Variants in NAALADL2 observed in about 807,000 individuals in gnomAD.
NAALADL2 encodes the protein inactive N-acetylated-alpha-linked acidic dipeptidase-like protein 2.
A neutral mutation model predicts 87.2 loss-of-function variants in NAALADL2; 76 were observed. The observed-to-expected ratio is 0.87, with a 90% CI of 0.72 to 1.05. NAALADL2 has a LOEUF of 1.05. Ranked by LOEUF, NAALADL2 falls within the 50% of genes least tolerant of loss-of-function variation. The probability of loss-of-function intolerance (pLI) is 0.00; values close to 1 mark genes in which losing one functional copy is unlikely to be tolerated. For synonymous variants in NAALADL2, 354 were observed against 331.0 expected, an observed-to-expected ratio of 1.07 and a Z score of -0.75; for missense variants, 1,089 against 945.8, an observed-to-expected ratio of 1.15 and a Z score of -1.99.
intron 2 of NAALADL2, among the ~76,000 whole-genome samples, chr3:175,135,289 A>G (rs1728932592): frequency 6.6e-6 from 1 of 152,208 alleles, no homozygotes; most frequent in Non-Finnish European, 1.5e-5. Context: ...ATCATTTAAT[A>G]TACGTGCCAA....
chr3:174,666,782 G>C (rs890570309), intron 2 of NAALADL2, among the ~76,000 whole-genome samples: 1 of 152,002 alleles, frequency 6.6e-6, no homozygotes, highest in Non-Finnish European at 1.5e-5. Context: ...CAAAACTCTA[G>C]AATTTTTTAT....
intron 11 of NAALADL2, among the ~76,000 whole-genome samples, chr3:175,665,826 G>T (rs140723456): frequency 6.6e-6 from 1 of 152,024 alleles, no homozygotes; most frequent in Non-Finnish European, 1.5e-5. Flanking sequence ...AGCTACTAGG[G>T]AGGCTGAGGC....
chr3:175,264,349 T>C (rs1468411604), intron 4 of NAALADL2, among the ~76,000 whole-genome samples: 1 of 151,864 alleles, frequency 6.6e-6, no homozygotes, highest in Admixed American at 6.6e-5. Flanking sequence ...TTAATAAATA[T>C]TAACTTTTAT....
intron 11 of NAALADL2, among the ~76,000 whole-genome samples, chr3:175,693,991 C>T (rs1737403028): frequency 6.6e-6 from 1 of 152,030 alleles, no homozygotes; most frequent in African/African-American, 2.4e-5. Flanking sequence ...CCGTGCCTGG[C>T]CAGTCTGATT....
intron 9 of NAALADL2, among the ~76,000 whole-genome samples, chr3:175,515,105 A>G (rs1225149315): frequency 6.6e-6 from 1 of 152,218 alleles, no homozygotes; most frequent in Non-Finnish European, 1.5e-5. Flanking sequence ...CAAAGGATTC[A>G]ATCTGTGTCA....
chr3:175,289,522 A>T (rs2110132427), intron 4 of NAALADL2, among the ~76,000 whole-genome samples: 1 of 152,266 alleles, frequency 6.6e-6, no homozygotes, highest in South Asian at 2.1e-4. Context: ...AAAATTAAAA[A>T]TATTCTAGCA....
chr3:174,609,729 G>A (rs1423857210), intron 2 of NAALADL2, among the ~76,000 whole-genome samples: 2 of 152,230 alleles, frequency 1.3e-5, no homozygotes, highest in Non-Finnish European at 2.9e-5. Context: ...CGTGAAAATG[G>A]CCATACTGCC....
chr3:175,714,354 A>G (rs1480573930), intron 11 of NAALADL2, among the ~76,000 whole-genome samples: 1 of 152,158 alleles, frequency 6.6e-6, no homozygotes, highest in East Asian at 1.9e-4. Flanking sequence ...CCAACAGTGT[A>G]AAAGCATCCC....
At chr3:174,926,206 T>C (rs575781037) in intron 1 of NAALADL2, among the ~76,000 whole-genome samples, 26 of 152,252 alleles carry the variant, frequency 1.7e-4, no homozygotes, top group African/African-American at 6.0e-4. Context: ...TATGGGACTA[T>C]GTGAAAAGAC....
intron 10 of NAALADL2, chr3:175,581,168 G>A (rs1436547668): frequency 1.3e-5 from 5 of 384,384 alleles, no homozygotes; most frequent in South Asian, 5.8e-5. Context: ...TAGGCCGGAC[G>A]CGGTGGCTCA....
At chr3:175,300,388 G>T (rs1756901923) in intron 4 of NAALADL2, among the ~76,000 whole-genome samples, 1 of 152,100 alleles carries the variant, frequency 6.6e-6, no homozygotes, top group Non-Finnish European at 1.5e-5. Flanking sequence ...TTGTACCTCT[G>T]GTAGAATTCA....
intron 1 of NAALADL2, among the ~76,000 whole-genome samples, chr3:174,499,201 T>C (rs1718735803): frequency 6.6e-6 from 1 of 152,110 alleles, no homozygotes; most frequent in Non-Finnish European, 1.5e-5. Context: ...AGGGGAACTA[T>C]TGCATCTTCT....
At chr3:174,843,952 A>G (rs923009714) in intron 3 of NAALADL2, among the ~76,000 whole-genome samples, 2 of 152,144 alleles carry the variant, frequency 1.3e-5, no homozygotes, top group African/African-American at 4.8e-5. Flanking sequence ...AAGTTTGCTA[A>G]TATTTTCTCA....
intron 5 of NAALADL2, among the ~76,000 whole-genome samples, chr3:175,407,374 AT>A (rs1278586880): frequency 6.6e-6 from 1 of 152,180 alleles, no homozygotes; most frequent in African/African-American, 2.4e-5. Context: ...GGCTGAGTTC[AT>A]TTTAAAGAAG....
intron 1 of NAALADL2, among the ~76,000 whole-genome samples, chr3:174,461,609 G>A (rs970764746): frequency 4.6e-5 from 7 of 152,028 alleles, no homozygotes; most frequent in South Asian, 4.1e-4. Context: ...GTCAACATTC[G>A]TTTTTACAAA....
intron 2 of NAALADL2, among the ~76,000 whole-genome samples, chr3:174,552,629 T>C (rs1428272033): frequency 6.6e-6 from 1 of 151,600 alleles, no homozygotes; most frequent in Non-Finnish European, 1.5e-5. Context: ...ATCCTGTCTC[T>C]GCAAAAAAAT....
rs1183991972 is a variant in NAALADL2, at chr3:174,882,753, G to A, written c.43+23303G>A. On this transcript the variant is annotated intron_variant, in intron 1 of 13. Transcript: ENST00000454872. ...TGTGTATCTATGTGTATATACACAC[G>A]TGTATATATACACACGTGTATATAT... is the stretch of plus-strand genomic sequence containing the variant. Among the ~76,000 whole-genome samples, 6 of 138,064 alleles carry A rather than the reference G, an allele frequency of 4.3e-5. No individual in the cohort carries two copies. In the East Asian group the frequency reaches 8.3e-4, roughly 19 times the overall value. The allele number at this position is 138,064 out of a possible 152,430, so 90.6% of individuals were successfully genotyped here.
At chr3:174,759,584 T>C (rs1712627309) in intron 3 of NAALADL2, among the ~76,000 whole-genome samples, 1 of 152,204 alleles carries the variant, frequency 6.6e-6, no homozygotes, top group Non-Finnish European at 1.5e-5. Context: ...TGAAGATTAG[T>C]TTTCAATTAA....
chr3:175,704,910 A>G (rs1249141990), intron 11 of NAALADL2, among the ~76,000 whole-genome samples: 3 of 152,224 alleles, frequency 2.0e-5, no homozygotes, highest in Admixed American at 2.0e-4. Flanking sequence ...TCGTGCACAC[A>G]TTACTGTGGT....
Sources: allele counts gnomAD v4.1 joint callset (sites outside exome capture counted in the v4.1 genomes callset), GRCh38; gene constraint gnomAD v4.1.1; transcripts MANE v1.5; gene names NCBI Gene and HGNC (gene_info 2026-07-23, HGNC 2026-07-21).